MMRN2: variants seen among roughly 807,000 people sequenced by gnomAD.
MMRN2 encodes the protein multimerin 2.
MMRN2 carries 53 observed loss-of-function variants against 68.8 expected under a neutral mutation model. That is an observed-to-expected ratio of 0.77 (90% confidence interval 0.62 to 0.97). The LOEUF is 0.97. Ranked by LOEUF, MMRN2 falls within the 50% of genes least tolerant of loss-of-function variation. The pLI is 0.00. For synonymous variants in MMRN2, 564 were observed against 551.6 expected (o/e 1.02, Z -0.32); for missense variants, 1,266 against 1,259.5 (o/e 1.01, Z -0.08).
chr10:86,952,914 C>T (rs752251815), intron 1 of MMRN2, among the ~76,000 whole-genome samples: 5 of 152,030 alleles, frequency 3.3e-5, no homozygotes, highest in Non-Finnish European at 7.4e-5. Flanking sequence ...CCAGAGCGGC[C>T]GTTTATAGAC....
intron 1 of MMRN2, chr10:86,953,894 C>A (rs1436537030): frequency 6.6e-6 from 1 of 152,342 alleles, no homozygotes; most frequent in Non-Finnish European, 1.5e-5. Context: ...GCCCACCCTT[C>A]CTGCCCAGGA....
intron 1 of MMRN2, among the ~76,000 whole-genome samples, chr10:86,948,189 A>G (rs1033509586): frequency 6.6e-6 from 1 of 150,484 alleles, no homozygotes; most frequent in Non-Finnish European, 1.5e-5. Flanking sequence ...TTATGCCACT[A>G]CACTTCAGCC....
intron 6 of MMRN2, among the ~76,000 whole-genome samples, chr10:86,939,672 C>CT (rs1171084891): frequency 2.6e-5 from 4 of 151,670 alleles, no homozygotes; most frequent in African/African-American, 7.3e-5. Flanking sequence ...GAGAGAGACC[C>CT]CCACCCCAAC....
chr10:86,942,441 C>G lies in MMRN2; in HGVS notation c.2343G>C (p.Gly781=). The G allele has an allele frequency of 6.2e-7, 1 of 1,614,222 alleles. No homozygotes were observed. Among genetic ancestry groups the G allele is most frequent in the Non-Finnish European group, 8.5e-7 (1 of 1,180,042 alleles). ...CTTCCAGGTCTTTCTGCTGCTTCTT[C>G]CCTTTCCTGCTCAGCATGGTCTGCA... The part of the protein sequence containing the change: ...GKLQTMLSRK[G]KKQQKDLEAP... Residue 781 remains glycine, a synonymous_variant, in exon 6 of 7, where the codon GGG becomes GGC. Coordinates refer to ENST00000372027, the MANE Select transcript of MMRN2 (RefSeq NM_024756.3).
chr10:86,944,231 T>C, intron 5 of MMRN2, 31 bp downstream of exon 5: 1 of 1,594,970 alleles, frequency 6.3e-7, no homozygotes, highest in Non-Finnish European at 8.6e-7. Flanking sequence ...GTGACCAGGC[T>C]CTTCCTCAGC....
Position 86,944,285 on chromosome 10 carries a change from A to G in MMRN2, c.632T>C (p.Met211Thr). ...ALPGNLTAAVMEANQTGHEFP... is the reference protein window; with the variant it reads ...ALPGNLTAAVTEANQTGHEFP... The stretch of plus-strand genomic sequence containing the variant: ...ACCGTGCCCTGTTTGATTTGCTTCC[A>G]TCACTGCAGCTGTGAGGTTACCAGG... Residue 211 changes from methionine (M) to threonine (T), a missense_variant, in exon 5 of 7, where the codon ATG becomes ACG. Physicochemically the swap from Met to Thr is moderately conservative, Grantham distance 81. Coordinates refer to ENST00000372027, the MANE Select transcript of MMRN2 (RefSeq NM_024756.3). 1.2e-6 allele frequency: 2 copies of G among 1,610,330 alleles called. No homozygotes were observed. Among genetic ancestry groups the G allele is most frequent in the Non-Finnish European group, 1.7e-6 (2 of 1,177,430 alleles).
intron 1 of MMRN2, among the ~76,000 whole-genome samples, chr10:86,952,552 C>T (rs995016411): frequency 6.6e-6 from 1 of 152,216 alleles, no homozygotes; most frequent in Admixed American, 6.5e-5. Flanking sequence ...ACTGTGATGC[C>T]CACCTGAGCC....
At chr10:86,944,230 C>A in intron 5 of MMRN2, 32 bp downstream of exon 5, 1 of 1,594,146 alleles carries the variant, frequency 6.3e-7, no homozygotes, top group Non-Finnish European at 8.6e-7. Flanking sequence ...TGTGACCAGG[C>A]TCTTCCTCAG....
Position 86,943,312 on chromosome 10 carries a change from T to C in MMRN2, c.1472A>G (p.Asp491Gly). ...TAAATAGAGCTTCTGGCAATTGCAG[T>C]CCTTCACGTACTTGATGAGGTCGGC... ...GHADLIKYVKDCNCQKLYLDL... is the reference protein window; with the variant it reads ...GHADLIKYVKGCNCQKLYLDL... The change falls in exon 6 of 7, where the codon GAC becomes GGC. Residue 491 changes from aspartate to glycine, a missense_variant. Transcript: ENST00000372027. This position sits in a 1 kb window ranked among gnomAD's most constrained non-coding sequence, Gnocchi z 4.2. 1 of 1,613,820 alleles carries C rather than the reference T, an allele frequency of 6.2e-7. No homozygotes were observed. The highest frequency in any genetic ancestry group is 1.3e-5 in the African/African-American group (1 of 75,034).
At chr10:86,956,609 C>T (rs1262531747) in intron 1 of MMRN2, among the ~76,000 whole-genome samples, 1 of 152,228 alleles carries the variant, frequency 6.6e-6, no homozygotes, top group Non-Finnish European at 1.5e-5. Context: ...GCTGTGTGGC[C>T]TTGGGCAAGC....
At chr10:86,946,078 G>A (rs1589303847) in intron 1 of MMRN2, among the ~76,000 whole-genome samples, 1 of 152,220 alleles carries the variant, frequency 6.6e-6, no homozygotes, top group South Asian at 2.1e-4. Context: ...GGTGAGGTTA[G>A]CCACAGAGCC....
rs75252226 is a variant in MMRN2, at chr10:86,938,171, C to T, written c.2468-1046G>A. On this transcript the variant is annotated intron_variant, in intron 6 of 6. Transcript: ENST00000372027. Reference sequence around the variant, plus strand: ...CTGGTCTCAAACTCCTGAGCTCAAGCGGTCCTCCCACCTCAACCCCGCAAA... The same window carrying T: ...CTGGTCTCAAACTCCTGAGCTCAAGTGGTCCTCCCACCTCAACCCCGCAAA... Among the ~76,000 whole-genome samples, 609 of 152,266 alleles carry T rather than the reference C, an allele frequency of 4.0e-3. 3 individuals are homozygous for T. The highest frequency in any genetic ancestry group is 0.013 in the African/African-American group (560 of 41,532).
intron 6 of MMRN2, among the ~76,000 whole-genome samples, chr10:86,940,967 G>A (rs1009205358): frequency 6.6e-6 from 1 of 152,240 alleles, no homozygotes; most frequent in African/African-American, 2.4e-5. Context: ...GCCCTGCAGG[G>A]ACCAGCCATG....
At position 86,936,867 on chromosome 10, in the gene MMRN2, G is replaced by A. The variant is rs570128351; in HGVS notation, c.2726C>T (p.Thr909Met). Residue 909 changes from threonine (T) to methionine (M), a missense_variant, in exon 7 of 7, where the codon ACG (threonine) becomes ATG (methionine). Physicochemically the swap from Thr to Met is moderately conservative, Grantham distance 81 (BLOSUM62 -1). Transcript: ENST00000372027. ...CTGCAGCTCAGCCATGGCAAAGACC[G>A]TTGCTGTGCTTCCACTCCCCTGCCC... ...TTGQGSGSTA[T>M]VFAMAELQKG... 11 of 1,614,192 alleles carry A rather than the reference G, an allele frequency of 6.8e-6. No individual in the cohort carries two copies. Among genetic ancestry groups the A allele is most frequent in the South Asian group, 2.2e-5 (2 of 91,076 alleles).
At chr10:86,955,483 T>G (rs908477150) in intron 1 of MMRN2, among the ~76,000 whole-genome samples, 6 of 152,170 alleles carry the variant, frequency 3.9e-5, no homozygotes, top group African/African-American at 1.2e-4. Context: ...GCCTGCATCC[T>G]GGGCCCAGCC....
At chr10:86,957,301 C>T (rs1844250649) in intron 1 of MMRN2, 77 bp downstream of exon 1, 2 of 1,497,766 alleles carry the variant, frequency 1.3e-6, no homozygotes, top group Non-Finnish European at 1.9e-6. Context: ...CCAGTGAGGT[C>T]TAGAGAGGCT....
rs762657776 is a variant in MMRN2 at position 86,942,302 on chromosome 10, A to T, written c.2467+15T>A. 1.3e-6 allele frequency: 2 copies of T among 1,594,298 alleles called. No homozygotes were observed. The highest frequency in any genetic ancestry group is 2.3e-5 in the South Asian group (2 of 87,712). On this transcript the variant is annotated intron_variant, in intron 6 of 6. Coordinates refer to ENST00000372027, the MANE Select transcript of MMRN2 (RefSeq NM_024756.3). Reference sequence around the variant, plus strand: ...CCTCCTAGGCTCGTCCAGTCTCCCCAGCCCAGGAACTCACCTGCCTCCCAG... The same window carrying T: ...CCTCCTAGGCTCGTCCAGTCTCCCCTGCCCAGGAACTCACCTGCCTCCCAG...
At position 86,943,259 on chromosome 10, in the gene MMRN2, T is replaced by C. The variant is rs1355172453; in HGVS notation, c.1525A>G (p.Arg509Gly). Residue 509 changes from arginine (R) to glycine (G), a missense_variant, in exon 6 of 7, where the codon AGG becomes GGG. Transcript: ENST00000372027. The surrounding 1 kb of genome is among the most constrained non-coding windows in gnomAD (Gnocchi z 4.2). ...TCCTCCAGGGCACGCGTGGCGTCCC[T>C]CTGGCCCTCCCGGATGACGTCCAGG... is the stretch of plus-strand genomic sequence containing the variant. ...LDLDVIREGQ[R>G]DATRALEETQ... 6.2e-7 allele frequency: 1 copy of C among 1,613,300 alleles called. No homozygotes were observed. Among genetic ancestry groups the C allele is most frequent in the Admixed American group, 1.7e-5 (1 of 60,026 alleles).
intron 1 of MMRN2, chr10:86,949,780 G>A (rs1266204951): frequency 6.6e-6 from 1 of 151,782 alleles, no homozygotes; most frequent in Non-Finnish European, 1.5e-5. Flanking sequence ...GGAGACTGAG[G>A]CAGGAGAATC....
Sources: gnomAD v4.1 joint callset for allele counts (sites outside exome capture counted in the v4.1 genomes callset) on GRCh38, gnomAD v4.1.1 for gene constraint, Gnocchi (gnomAD v3.1) non-coding constraint, MANE v1.5 for transcripts, NCBI Gene and HGNC (gene_info 2026-07-23, HGNC 2026-07-21) for gene names.